TBC1D1: variants seen among roughly 807,000 people sequenced by gnomAD.
TBC1D1 encodes TBC1 (tre-2/USP6, BUB2, cdc16) domain family, member 1.
In TBC1D1, 89 loss-of-function variants were observed where a neutral mutation model predicts 125.6. The observed-to-expected ratio is 0.71, with a 90% CI of 0.60 to 0.85. The LOEUF (loss-of-function observed/expected upper bound fraction) is 0.85. Among genes scored for constraint, TBC1D1 ranks in the 40% least tolerant of loss-of-function variants. The pLI is 0.00. For missense variants in TBC1D1, 1,377 were observed against 1,469.2 expected, an observed-to-expected ratio of 0.94 and a Z score of 1.03; for synonymous variants, 565 against 564.1, an observed-to-expected ratio of 1.00 and a Z score of -0.02.
intron 3 of TBC1D1, among the ~76,000 whole-genome samples, chr4:38,016,022 A>G (rs967289126): frequency 6.6e-6 from 1 of 152,224 alleles, no homozygotes; most frequent in African/African-American, 2.4e-5. Context: ...TTTATTTATA[A>G]GTACTGACTG....
At chr4:38,003,433 T>C (rs1739453229) in intron 2 of TBC1D1, among the ~76,000 whole-genome samples, 1 of 152,166 alleles carries the variant, frequency 6.6e-6, no homozygotes, top group Non-Finnish European at 1.5e-5. Flanking sequence ...CTACAGGGTG[T>C]TTGGAAATTT....
At chr4:38,013,406 A>G (rs986288846) in intron 2 of TBC1D1, among the ~76,000 whole-genome samples, 1 of 152,226 alleles carries the variant, frequency 6.6e-6, no homozygotes, top group Non-Finnish European at 1.5e-5. Context: ...AAATTTCTCT[A>G]TAATGTTGTT....
chr4:38,130,732 C>T (rs1213180562), intron 18 of TBC1D1, among the ~76,000 whole-genome samples: 1 of 152,220 alleles, frequency 6.6e-6, no homozygotes, highest in East Asian at 1.9e-4. Flanking sequence ...AGGAGTGACT[C>T]AGACCAGAAA....
intron 2 of TBC1D1, among the ~76,000 whole-genome samples, chr4:37,967,301 C>G (rs1193931537): frequency 6.6e-6 from 1 of 152,020 alleles, no homozygotes. Context: ...TCAAGACCAG[C>G]CTGGGCAACA....
At chr4:37,931,666 C>T (rs1266554561) in intron 2 of TBC1D1, among the ~76,000 whole-genome samples, 5 of 151,958 alleles carry the variant, frequency 3.3e-5, no homozygotes, top group African/African-American at 1.2e-4. Context: ...TTAGTAGAGA[C>T]GGGGTTTCAC....
intron 2 of TBC1D1, among the ~76,000 whole-genome samples, chr4:38,007,292 G>A (rs548418079): frequency 9.9e-5 from 15 of 151,722 alleles, no homozygotes; most frequent in African/African-American, 3.1e-4. Context: ...TTGCTCTGTC[G>A]CCCAGGCTGG....
In TBC1D1 at chr4:37,920,114, AAAC is replaced by A. The variant is rs898948795; in HGVS notation, c.417+17617_417+17619del. ...TGCCAAAGAGTGAGACTCCGTCTCA[AAAC>A]AACAACAACAACAAAAAACATTAAC... On this transcript the variant is annotated intron_variant, in intron 2 of 19. Transcript: ENST00000261439. 1.1e-3 allele frequency among the ~76,000 whole-genome samples: 173 copies of A among 152,324 alleles called. 1 individual carries two copies. The highest frequency in any genetic ancestry group is 1.9e-3 in the East Asian group (10 of 5,190).
intron 12 of TBC1D1, among the ~76,000 whole-genome samples, chr4:38,077,330 A>G (rs1755767859): frequency 1.3e-5 from 2 of 152,250 alleles, no homozygotes; most frequent in South Asian, 2.1e-4. Flanking sequence ...GGATGGGGAA[A>G]TGCTGCGTCT....
intron 3 of TBC1D1, among the ~76,000 whole-genome samples, chr4:38,017,551 T>TA (rs1743023101): frequency 6.6e-6 from 1 of 152,206 alleles, no homozygotes; most frequent in Admixed American, 6.5e-5. Flanking sequence ...CCCCTTGACT[T>TA]ACACCCCAGT....
Position 38,133,249 on chromosome 4 carries a change from C to T in TBC1D1, c.3298C>T (p.Gln1100Ter). 1.2e-6 allele frequency: 2 copies of T among 1,613,506 alleles called. No homozygotes were observed. Among genetic ancestry groups the T allele is most frequent in the Non-Finnish European group, 1.7e-6 (2 of 1,179,766 alleles). ...CAAACAGAACCTTGACCTCCTTGAACAGTTGCAGGTAGAGCATATTTATAA... is the reference window on the plus strand; with the variant it reads ...CAAACAGAACCTTGACCTCCTTGAATAGTTGCAGGTAGAGCATATTTATAA... Residue 1100 changes from glutamine (Q) to a stop codon, truncating the protein, a stop_gained, in exon 19 of 20, where the codon CAG becomes TAG. Coordinates refer to ENST00000261439, the MANE Select transcript of TBC1D1 (RefSeq NM_015173.4). LOFTEE classifies it low-confidence loss of function (END_TRUNC).
At chr4:37,901,853 G>A in intron 1 of TBC1D1, 150 bp from the exon 2 acceptor site, 6 of 413,414 alleles carry the variant, frequency 1.5e-5, no homozygotes, top group Non-Finnish European at 1.7e-5. Context: ...ATACAATTTT[G>A]AGAAAGTTCT....
chr4:37,960,019 T>G (rs986093587), intron 2 of TBC1D1, among the ~76,000 whole-genome samples: 28 of 152,218 alleles, frequency 1.8e-4, no homozygotes, highest in African/African-American at 6.5e-4. Flanking sequence ...TAAAGGTTAG[T>G]AAGAAGTGAA....
At chr4:38,039,104 CTT>C (rs776941680) in intron 8 of TBC1D1, among the ~76,000 whole-genome samples, 84 of 51,526 alleles carry the variant, frequency 1.6e-3, no homozygotes, top group Non-Finnish European at 2.3e-3. Flanking sequence ...GCATCATACT[CTT>C]TTTTTTTTTT....
At chr4:38,109,973 C>T (rs1036707213) in intron 15 of TBC1D1, among the ~76,000 whole-genome samples, 7 of 152,154 alleles carry the variant, frequency 4.6e-5, no homozygotes, top group South Asian at 2.1e-4. Flanking sequence ...GATAGAGGGT[C>T]GGTGTCAGAT....
chr4:38,087,226 C>A (rs1578632146), intron 12 of TBC1D1, among the ~76,000 whole-genome samples: 2 of 152,296 alleles, frequency 1.3e-5, no homozygotes, highest in South Asian at 4.1e-4. Context: ...CGTCCCCAAA[C>A]AATACTTGTA....
chr4:38,136,626 GA>G (rs1766663916), intron 19 of TBC1D1, among the ~76,000 whole-genome samples: 1 of 152,190 alleles, frequency 6.6e-6, no homozygotes, highest in Non-Finnish European at 1.5e-5. Flanking sequence ...CCTTCAGGAG[GA>G]AACTGTTTTG....
chr4:38,039,307 C>T (rs1560670874), intron 8 of TBC1D1, among the ~76,000 whole-genome samples: 1 of 151,578 alleles, frequency 6.6e-6, no homozygotes, highest in East Asian at 2.0e-4. Context: ...TTAGTAGAGA[C>T]GGGGTTTCAC....
chr4:38,081,675 A>C (rs1466794321), intron 12 of TBC1D1, among the ~76,000 whole-genome samples: 1 of 152,182 alleles, frequency 6.6e-6, no homozygotes, highest in Non-Finnish European at 1.5e-5. Flanking sequence ...CTCTTGTCTA[A>C]GTACTGTTTT....
chr4:38,104,636 G>A (rs1407971801), intron 15 of TBC1D1, among the ~76,000 whole-genome samples: 1 of 152,158 alleles, frequency 6.6e-6, no homozygotes, highest in Non-Finnish European at 1.5e-5. Flanking sequence ...TTCTCTGATT[G>A]TTCCTGCAGC....
Sources: allele counts gnomAD v4.1 joint callset (sites outside exome capture counted in the v4.1 genomes callset), GRCh38; gene constraint gnomAD v4.1.1; transcripts MANE v1.5; gene names NCBI Gene and HGNC (gene_info 2026-07-23, HGNC 2026-07-21).